The following TEKT5 variants were observed in gnomAD, a reference collection of about 807,000 sequenced individuals.
TEKT5 encodes the protein tektin-5.
A neutral mutation model predicts 48.7 loss-of-function variants in TEKT5; 52 were observed. The observed-to-expected ratio is 1.07, with a 90% CI of 0.86 to 1.35. The LOEUF (loss-of-function observed/expected upper bound fraction) is 1.35. TEKT5 is among the 40% of genes most tolerant of loss of function. The probability of loss-of-function intolerance (pLI) is 0.00; values close to 1 mark genes in which losing one functional copy is unlikely to be tolerated. For synonymous variants in TEKT5, 318 were observed against 267.6 expected, an observed-to-expected ratio of 1.19 and a Z score of -1.84; for missense variants, 831 against 641.6, an observed-to-expected ratio of 1.30 and a Z score of -3.19.
At chr16:10,679,923 A>C (rs1196346055) in intron 4 of TEKT5, among the ~76,000 whole-genome samples, 3 of 152,086 alleles carry the variant, frequency 2.0e-5, no homozygotes, top group African/African-American at 7.2e-5. Context: ...TAAATAAATA[A>C]GAAAACCACA....
chr16:10,645,022 C>A (rs1898049765), intron 5 of TEKT5, among the ~76,000 whole-genome samples: 1 of 152,180 alleles, frequency 6.6e-6, no homozygotes, highest in Non-Finnish European at 1.5e-5. Context: ...AGGCTGTCTA[C>A]AACCCGGAAG....
chr16:10,634,276 A>G (rs1386472159), intron 6 of TEKT5, among the ~76,000 whole-genome samples: 1 of 152,210 alleles, frequency 6.6e-6, no homozygotes, highest in East Asian at 1.9e-4. Context: ...GCAGTTAGCC[A>G]TCAGGGTGAA....
At chr16:10,661,220 A>G (rs1898364687) in intron 5 of TEKT5, among the ~76,000 whole-genome samples, 2 of 152,194 alleles carry the variant, frequency 1.3e-5, no homozygotes, top group African/African-American at 4.8e-5. Context: ...GTGAGTTTGC[A>G]ACCCCTGTTA....
chr16:10,684,137 T>A (rs1393022486), intron 3 of TEKT5, among the ~76,000 whole-genome samples: 4 of 152,176 alleles, frequency 2.6e-5, no homozygotes, highest in Non-Finnish European at 4.4e-5. Flanking sequence ...TACAGACACA[T>A]AAGCAGCAGC....
chr16:10,677,070 G>C (rs1898659955), intron 4 of TEKT5, among the ~76,000 whole-genome samples: 1 of 152,118 alleles, frequency 6.6e-6, no homozygotes. Context: ...GCATGCCTGT[G>C]GTCCCAGCTA....
At chr16:10,655,508 A>G (rs376316017) in intron 5 of TEKT5, among the ~76,000 whole-genome samples, 16 of 152,224 alleles carry the variant, frequency 1.1e-4, no homozygotes, top group African/African-American at 3.4e-4. Context: ...TGTTTGTGGC[A>G]TTGTGGCTAG....
intron 5 of TEKT5, among the ~76,000 whole-genome samples, chr16:10,654,836 G>A (rs2541556): frequency 2.0e-5 from 3 of 150,896 alleles, no homozygotes; most frequent in Admixed American, 1.3e-4. Context: ...TCTATATATC[G>A]TATTGCTTCT....
intron 5 of TEKT5, among the ~76,000 whole-genome samples, chr16:10,647,027 C>G (rs950525340): frequency 3.9e-5 from 6 of 152,256 alleles, no homozygotes; most frequent in East Asian, 1.9e-4. Flanking sequence ...GAAAATAAAG[C>G]CTTATATAGA....
rs1385927608 is a variant in TEKT5 at position 10,635,827 on chromosome 16, G to C, written c.1178C>G (p.Thr393Arg). ...GCGCCGGGTCCGGCACTCCAGCCTTGTCTGGGCCACCTTCAGCGGGCCCTC... is the reference window on the plus strand; with the variant it reads ...GCGCCGGGTCCGGCACTCCAGCCTTCTCTGGGCCACCTTCAGCGGGCCCTC... ...AKEGPLKVAQ[T>R]RLECRTRRPN... The change falls in exon 6 of 7, where the codon ACA becomes AGA. Residue 393 changes from threonine to arginine, a missense_variant. By Grantham distance (71) the Thr-to-Arg change is moderately conservative. Transcript: ENST00000283025. 6.2e-7 allele frequency: 1 copy of C among 1,614,178 alleles called. No individual in the cohort carries two copies. Among genetic ancestry groups the C allele is most frequent in the Admixed American group, 1.7e-5 (1 of 60,032 alleles).
At chr16:10,638,922 A>G (rs138671779) in intron 5 of TEKT5, among the ~76,000 whole-genome samples, 1 of 152,224 alleles carries the variant, frequency 6.6e-6, no homozygotes, top group Non-Finnish European at 1.5e-5. Context: ...AATTAATTCA[A>G]CATTTGTTCA....
rs541815181 is a variant in TEKT5, at chr16:10,677,228, A to G, written c.864-1047T>C. Among the ~76,000 whole-genome samples, 59 of 95,592 alleles carry G rather than the reference A, an allele frequency of 6.2e-4. 13 individuals carry two copies. The highest frequency in any genetic ancestry group is 4.3e-3 in the African/African-American group (58 of 13,516). The allele number at this position is 95,592 out of a possible 152,430, so 62.7% of individuals were successfully genotyped here. ...AGCAGCAGGAGGATGAAAGAGACAA[A>G]TGGAGTGGTGTCATTATGTGTTGGT... On this transcript the variant is annotated intron_variant, in intron 4 of 6. Coordinates refer to ENST00000283025, the MANE Select transcript of TEKT5 (RefSeq NM_144674.2).
chr16:10,678,066 TG>T (rs1341321089), intron 4 of TEKT5, among the ~76,000 whole-genome samples: 1 of 152,146 alleles, frequency 6.6e-6, no homozygotes, highest in Non-Finnish European at 1.5e-5. Context: ...ATGGACTATG[TG>T]GGGTTTTCTC....
intron 3 of TEKT5, among the ~76,000 whole-genome samples, chr16:10,688,060 G>GT (rs948101155): frequency 1.3e-5 from 2 of 152,076 alleles, no homozygotes; most frequent in African/African-American, 2.4e-5. Context: ...TGTGCTTAAG[G>GT]TTTTTTTAAG....
At chr16:10,641,372 C>A (rs1365865332) in intron 5 of TEKT5, among the ~76,000 whole-genome samples, 1 of 152,116 alleles carries the variant, frequency 6.6e-6, no homozygotes, top group Admixed American at 6.5e-5. Context: ...TCCCCAAGCA[C>A]CAGCCACTGA....
intron 6 of TEKT5, among the ~76,000 whole-genome samples, chr16:10,630,788 GCGGGCAGATCA>G (rs1469654308): frequency 6.6e-6 from 1 of 152,084 alleles, no homozygotes; most frequent in East Asian, 1.9e-4. Flanking sequence ...GGAGGCTGAG[GCGGGCAGATCA>G]CTTGAGGTCA....
At chr16:10,687,713 A>G (rs2142313758) in intron 3 of TEKT5, among the ~76,000 whole-genome samples, 1 of 152,386 alleles carries the variant, frequency 6.6e-6, no homozygotes, top group South Asian at 2.1e-4. Context: ...AGCCCATACC[A>G]CTGCACTCCA....
intron 5 of TEKT5, among the ~76,000 whole-genome samples, chr16:10,667,877 A>G (rs1211989313): frequency 6.6e-6 from 1 of 151,118 alleles, no homozygotes; most frequent in Non-Finnish European, 1.5e-5. Flanking sequence ...AAATAAGTTA[A>G]TAATTTTTTT....
At chr16:10,658,368 C>G (rs1380624926) in intron 5 of TEKT5, among the ~76,000 whole-genome samples, 1 of 152,182 alleles carries the variant, frequency 6.6e-6, no homozygotes, top group Non-Finnish European at 1.5e-5. Context: ...GAGGATGGAT[C>G]AATTGTGGAA....
intron 5 of TEKT5, among the ~76,000 whole-genome samples, chr16:10,637,993 C>T (rs1299902935): frequency 1.3e-5 from 2 of 152,070 alleles, no homozygotes; most frequent in Non-Finnish European, 2.9e-5. Flanking sequence ...TAATTTTTTT[C>T]AAGAGATTGG....
Sources: allele counts gnomAD v4.1 joint callset (sites outside exome capture counted in the v4.1 genomes callset), GRCh38; gene constraint gnomAD v4.1.1; transcripts MANE v1.5; gene names NCBI Gene and HGNC (gene_info 2026-07-23, HGNC 2026-07-21).